The following NTRK3 variants were observed in gnomAD, a reference collection of about 807,000 sequenced individuals.
NTRK3 encodes the protein NT-3 growth factor receptor.
NTRK3 carries 24 observed loss-of-function variants against 91.7 expected under a neutral mutation model. The ratio of observed to expected loss-of-function variants is 0.26; its 90% CI spans 0.19 to 0.37. The LOEUF (loss-of-function observed/expected upper bound fraction) is 0.37, where lower values mean the gene tolerates loss of function less well. Ranked by LOEUF, NTRK3 falls within the 10% of genes least tolerant of loss-of-function variation. The pLI is 1.00. For synonymous variants in NTRK3, 483 were observed against 404.0 expected, an observed-to-expected ratio of 1.20 and a Z score of -2.34; for missense variants, 880 against 1,068.9, an observed-to-expected ratio of 0.82 and a Z score of 2.46.
chr15:87,986,595 A>C (rs1462738864), intron 14 of NTRK3, among the ~76,000 whole-genome samples: 1 of 152,250 alleles, frequency 6.6e-6, no homozygotes, highest in Non-Finnish European at 1.5e-5. Context: ...AGATTTATCC[A>C]TGTTGATACA....
At position 88,235,535 on chromosome 15, in the gene NTRK3, C is replaced by G. The variant is rs1216173277; in HGVS notation, c.248+20371G>C. ...TCGAGTGGCATTCATCTATCCCTTG[C>G]ACATGAGACTCAGCCTGGGCCCCTG... is the stretch of plus-strand genomic sequence containing the variant. On this transcript the variant is annotated intron_variant, in intron 3 of 18. Coordinates refer to ENST00000394480, the Ensembl canonical transcript of NTRK3. The surrounding 1 kb of genome is among the most constrained non-coding windows in gnomAD (Gnocchi z 5.2). 6.6e-6 allele frequency among the ~76,000 whole-genome samples: 1 copy of G among 152,180 alleles called. No individual in the cohort carries two copies. Among genetic ancestry groups the G allele is most frequent in the Non-Finnish European group, 1.5e-5 (1 of 68,030 alleles).
intron 17 of NTRK3, among the ~76,000 whole-genome samples, chr15:87,906,951 A>G (rs1180544050): frequency 3.3e-5 from 5 of 152,230 alleles, no homozygotes; most frequent in Non-Finnish European, 5.9e-5. Flanking sequence ...ACTGGCACCA[A>G]CAATAACTCA....
chr15:88,146,194 T>A (rs1185196354), intron 6 of NTRK3, among the ~76,000 whole-genome samples: 1 of 152,170 alleles, frequency 6.6e-6, no homozygotes, highest in Non-Finnish European at 1.5e-5. Flanking sequence ...CCACCTACAG[T>A]ACACAAGGTC....
At chr15:88,028,797 G>T (rs1370117779) in intron 14 of NTRK3, among the ~76,000 whole-genome samples, 2 of 152,130 alleles carry the variant, frequency 1.3e-5, no homozygotes, top group African/African-American at 4.8e-5. Context: ...TGGGTGTGGG[G>T]AGAAAAGGAT....
chr15:87,946,084 G>A (rs1485473888), intron 14 of NTRK3: 2 of 152,018 alleles, frequency 1.3e-5, no homozygotes, highest in East Asian at 1.9e-4. Flanking sequence ...AAATAAAATC[G>A]TGGCTTGAAA....
intron 17 of NTRK3, among the ~76,000 whole-genome samples, chr15:87,920,171 T>G (rs1352242452): frequency 6.6e-6 from 1 of 152,180 alleles, no homozygotes; most frequent in Non-Finnish European, 1.5e-5. Flanking sequence ...CCAAAGTGAC[T>G]GATATTTTGT....
At chr15:88,091,891 C>G (rs2049051078) in intron 13 of NTRK3, among the ~76,000 whole-genome samples, 1 of 152,224 alleles carries the variant, frequency 6.6e-6, no homozygotes, top group African/African-American at 2.4e-5. Flanking sequence ...CTGCCCTACT[C>G]AAGAACACAT....
chr15:88,007,866 C>A (rs991885175), intron 14 of NTRK3, among the ~76,000 whole-genome samples: 1 of 152,270 alleles, frequency 6.6e-6, no homozygotes, highest in East Asian at 1.9e-4. Context: ...GAATAGGACC[C>A]CTAACGTGCC....
Position 88,171,962 on chromosome 15 carries a change from C to T in NTRK3, c.395+11456G>A, listed in dbSNP as rs146409214. Among the ~76,000 whole-genome samples the T allele has an allele frequency of 3.7e-3, 565 of 152,388 alleles. 9 individuals carry two copies. Among genetic ancestry groups the T allele is most frequent in the Admixed American group, 0.031 (469 of 15,308 alleles). ...CTTTCCACAGGCATATTTCAGGCCT[C>T]GCCTGGACCCCTCAGATGGGTTTCA... On this transcript the variant is annotated intron_variant, in intron 5 of 18. Transcript: ENST00000394480.
At chr15:88,012,324 ACTTC>A (rs1225613573) in intron 14 of NTRK3, among the ~76,000 whole-genome samples, 6 of 152,144 alleles carry the variant, frequency 3.9e-5, no homozygotes, top group Admixed American at 3.3e-4. Context: ...AAACCTTCTC[ACTTC>A]CTTCCTTATT....
intron 13 of NTRK3, among the ~76,000 whole-genome samples, chr15:88,115,636 C>G (rs977737857): frequency 6.6e-6 from 1 of 152,142 alleles, no homozygotes; most frequent in African/African-American, 2.4e-5. Context: ...TAGAGAGGCT[C>G]GGCATTTCCA....
chr15:88,122,700 C>T (rs184628067), intron 13 of NTRK3, among the ~76,000 whole-genome samples: 2 of 152,032 alleles, frequency 1.3e-5, no homozygotes, highest in Non-Finnish European at 2.9e-5. Flanking sequence ...CCCTCCCTAT[C>T]GATACACCTG....
intron 5 of NTRK3, among the ~76,000 whole-genome samples, chr15:88,155,727 G>A (rs1360724078): frequency 6.6e-6 from 1 of 152,162 alleles, no homozygotes; most frequent in African/African-American, 2.4e-5. Flanking sequence ...GTTAAAGAGT[G>A]AAAAGAGGTG....
chr15:88,016,276 T>C (rs936634916), intron 14 of NTRK3, among the ~76,000 whole-genome samples: 1 of 152,188 alleles, frequency 6.6e-6, no homozygotes, highest in Non-Finnish European at 1.5e-5. Flanking sequence ...GTGACCACCA[T>C]CAAAGGATGA....
intron 13 of NTRK3, among the ~76,000 whole-genome samples, chr15:88,062,979 G>A (rs940390779): frequency 6.6e-6 from 1 of 152,206 alleles, no homozygotes; most frequent in African/African-American, 2.4e-5. Flanking sequence ...TGAGTAGGGG[G>A]GCTTCCCCAT....
intron 10 of NTRK3, among the ~76,000 whole-genome samples, chr15:88,134,585 CG>C (rs1567492546): frequency 6.6e-6 from 1 of 151,990 alleles, no homozygotes; most frequent in African/African-American, 2.4e-5. Flanking sequence ...GTCATTCATC[CG>C]TTAAATGGAG....
intron 13 of NTRK3, among the ~76,000 whole-genome samples, chr15:88,110,491 G>C (rs996091803): frequency 6.6e-6 from 1 of 152,200 alleles, no homozygotes; most frequent in African/African-American, 2.4e-5. Context: ...GGGGTGGTCA[G>C]AGGAGGAGCT....
intron 13 of NTRK3, among the ~76,000 whole-genome samples, chr15:88,076,011 T>C (rs1388435609): frequency 1.3e-5 from 2 of 152,206 alleles, no homozygotes; most frequent in East Asian, 1.9e-4. Context: ...GTGGTGGTGC[T>C]ATTGTTGTAG....
rs1468239786 is a variant in NTRK3 at position 88,241,002 on chromosome 15, C to T, written c.248+14904G>A. ...GGGACATTCTGGTGCAGGAAATGAG[C>T]CTGTTACAGTCCACAGGTCTTTACT... On this transcript the variant is annotated intron_variant, in intron 3 of 18. Coordinates refer to ENST00000394480, the Ensembl canonical transcript of NTRK3. This position sits in a 1 kb window ranked among gnomAD's most constrained non-coding sequence, Gnocchi z 4.3. Among the ~76,000 whole-genome samples the T allele has an allele frequency of 6.6e-6, 1 of 152,184 alleles. No individual in the cohort carries two copies. The highest frequency in any genetic ancestry group is 1.5e-5 in the Non-Finnish European group (1 of 68,042).
Sources: gnomAD v4.1 joint callset for allele counts (sites outside exome capture counted in the v4.1 genomes callset) on GRCh38, gnomAD v4.1.1 for gene constraint, Gnocchi (gnomAD v3.1) non-coding constraint, MANE v1.5 for transcripts, NCBI Gene and HGNC (gene_info 2026-07-23, HGNC 2026-07-21) for gene names.